TRDN: variants seen among roughly 807,000 people sequenced by gnomAD.
TRDN encodes the protein triadin in skeletal muscle.
In TRDN, 161 loss-of-function variants were observed where a neutral mutation model predicts 149.7. The ratio of observed to expected loss-of-function variants is 1.08; its 90% confidence interval spans 0.95 to 1.23. TRDN has a LOEUF of 1.23. TRDN is among the 50% of genes most tolerant of loss of function. The pLI, the probability that TRDN is intolerant of heterozygous loss-of-function variation, is 0.00. For synonymous variants in TRDN, 294 were observed against 250.5 expected (o/e 1.17, Z -1.64); for missense variants, 896 against 823.5 (o/e 1.09, Z -1.08).
chr6:123,598,884 C>A (rs1476820915), intron 1 of TRDN, among the ~76,000 whole-genome samples: 1 of 151,918 alleles, frequency 6.6e-6, no homozygotes, highest in African/African-American at 2.4e-5. Flanking sequence ...ATAATTTAAG[C>A]CAGCATTTCA....
chr6:123,301,770 C>CATATATATATATATACAT (rs1562252279), intron 24 of TRDN, among the ~76,000 whole-genome samples: 85 of 57,730 alleles, frequency 1.5e-3, no homozygotes, highest in Middle Eastern at 0.015. Context: ...TATATATATA[C>CATATATATATATATACAT]ATATATATAT....
At chr6:123,480,363 A>G (rs1453106368) in intron 9 of TRDN, among the ~76,000 whole-genome samples, 1 of 151,972 alleles carries the variant, frequency 6.6e-6, no homozygotes, top group East Asian at 1.9e-4. Context: ...CACCTCTCAC[A>G]TGTTAACATA....
chr6:123,607,643 C>G (rs1264824492), intron 1 of TRDN, among the ~76,000 whole-genome samples: 4 of 152,130 alleles, frequency 2.6e-5, no homozygotes, highest in Admixed American at 2.6e-4. Context: ...CAGATGCTCT[C>G]CATATAGAAA....
In TRDN at chr6:123,440,285, T is replaced by C. The variant is rs549836610; in HGVS notation, c.932-1282A>G. Among the ~76,000 whole-genome samples the C allele has an allele frequency of 2.0e-5, 3 of 152,314 alleles. No homozygotes were observed. In the South Asian group the frequency reaches 6.2e-4, roughly 32 times the overall value. The stretch of plus-strand genomic sequence containing the variant: ...TCTAAAAGTGTCTACAGCATACTAT[T>C]ACAGCTCATCCAATCAGAAGTAGAA... On this transcript the variant is annotated intron_variant, in intron 10 of 40. Coordinates refer to ENST00000334268, the MANE Select transcript of TRDN (RefSeq NM_006073.4).
At chr6:123,607,737 A>G (rs142673985) in intron 1 of TRDN, among the ~76,000 whole-genome samples, 129 of 152,292 alleles carry the variant, frequency 8.5e-4, no homozygotes, top group African/African-American at 2.8e-3. Context: ...TGTAAGGAAA[A>G]TATTAAAGCC....
At chr6:123,309,732 C>T (rs1413308966) in intron 24 of TRDN, among the ~76,000 whole-genome samples, 3 of 151,672 alleles carry the variant, frequency 2.0e-5, no homozygotes, top group African/African-American at 7.3e-5. Flanking sequence ...TTTGAAAAAA[C>T]ACACATGAAC....
At chr6:123,225,009 G>C (rs920123330) in intron 38 of TRDN, among the ~76,000 whole-genome samples, 1 of 151,738 alleles carries the variant, frequency 6.6e-6, no homozygotes, top group African/African-American at 2.4e-5. Context: ...ATATCCAAAG[G>C]AGGTTGATAC....
At chr6:123,408,450 G>C (rs541067188) in intron 12 of TRDN, among the ~76,000 whole-genome samples, 1 of 152,066 alleles carries the variant, frequency 6.6e-6, no homozygotes, top group Non-Finnish European at 1.5e-5. Flanking sequence ...GGCCGAGGTG[G>C]GTGGATCACC....
intron 4 of TRDN, among the ~76,000 whole-genome samples, chr6:123,546,670 ATC>A (rs949438115): frequency 2.6e-5 from 4 of 151,904 alleles, no homozygotes; most frequent in Admixed American, 6.6e-5. Flanking sequence ...TCCTGTCAAA[ATC>A]TCTGTCTTCT....
intron 19 of TRDN, among the ~76,000 whole-genome samples, chr6:123,373,753 A>T (rs1289932433): frequency 6.6e-6 from 1 of 152,176 alleles, no homozygotes; most frequent in Non-Finnish European, 1.5e-5. Context: ...TAAATTATCT[A>T]TCTCTATCAT....
chr6:123,283,183 A>G (rs1422322824), intron 24 of TRDN, among the ~76,000 whole-genome samples: 1 of 151,960 alleles, frequency 6.6e-6, no homozygotes, highest in Non-Finnish European at 1.5e-5. Context: ...CTATAAAAAT[A>G]CATGGAAATT....
At chr6:123,388,341 A>G (rs1781982748) in intron 14 of TRDN, among the ~76,000 whole-genome samples, 181 bp downstream of exon 14, 1 of 152,086 alleles carries the variant, frequency 6.6e-6, no homozygotes, top group African/African-American at 2.4e-5. Context: ...AATTACTTTC[A>G]AAAAGTAGCT....
At chr6:123,452,944 C>A (rs577339434) in intron 10 of TRDN, among the ~76,000 whole-genome samples, 1 of 151,974 alleles carries the variant, frequency 6.6e-6, no homozygotes, top group East Asian at 1.9e-4. Context: ...CATAAATAAA[C>A]CCGAATACTT....
intron 1 of TRDN, among the ~76,000 whole-genome samples, chr6:123,617,220 G>A (rs1260691145): frequency 6.6e-6 from 1 of 152,014 alleles, no homozygotes; most frequent in African/African-American, 2.4e-5. Context: ...TTCCAAAGTA[G>A]GGCAAGGTGT....
rs866634950 is a variant in TRDN at position 123,351,283 on chromosome 6, T to G, written c.1369+1256A>C. 4.1e-5 allele frequency: 39 copies of G among 960,396 alleles called. No homozygotes were observed. The African/African-American group carries it at 5.8e-4, about 14-fold the overall frequency. The allele number at this position is 960,396 out of a possible 1,614,324, so 59.5% of individuals were successfully genotyped here. A position where few individuals can be genotyped will look rare whatever the true frequency, so the allele number is the denominator to read the frequency against. On this transcript the variant is annotated intron_variant, in intron 21 of 40. Transcript: ENST00000334268. Reference sequence around the variant, plus strand: ...ATTTTCATATCCTTTCACATATGTTTTCATGTTTGCCCTATACAACATCTT... The same window carrying G: ...ATTTTCATATCCTTTCACATATGTTGTCATGTTTGCCCTATACAACATCTT...
chr6:123,579,689 G>A (rs1783024785), intron 1 of TRDN, among the ~76,000 whole-genome samples: 1 of 151,976 alleles, frequency 6.6e-6, no homozygotes, highest in South Asian at 2.1e-4. Context: ...CCTCTGATGT[G>A]GTTAGGCTCA....
At chr6:123,403,200 AT>A (rs997359713) in intron 12 of TRDN, among the ~76,000 whole-genome samples, 2 of 152,160 alleles carry the variant, frequency 1.3e-5, no homozygotes, top group African/African-American at 2.4e-5. Context: ...GGGAAAAGAC[AT>A]TTTTTTAAAT....
chr6:123,545,435 C>T (rs1781063672), intron 4 of TRDN, among the ~76,000 whole-genome samples: 1 of 151,920 alleles, frequency 6.6e-6, no homozygotes, highest in African/African-American at 2.4e-5. Flanking sequence ...GAAAAGCTTA[C>T]ACATAAAAAA....
At chr6:123,559,012 C>T (rs879851228) in intron 2 of TRDN, among the ~76,000 whole-genome samples, 2 of 152,226 alleles carry the variant, frequency 1.3e-5, no homozygotes, top group African/African-American at 2.4e-5. Context: ...GGAAATCGGA[C>T]TCACCCGGCA....
Sources: allele counts gnomAD v4.1 joint callset (sites outside exome capture counted in the v4.1 genomes callset), GRCh38; gene constraint gnomAD v4.1.1; transcripts MANE v1.5; gene names NCBI Gene and HGNC (gene_info 2026-07-23, HGNC 2026-07-21).